MYCBP2: variants seen among roughly 807,000 people sequenced by gnomAD.
MYCBP2 encodes E3 ubiquitin-protein ligase MYCBP2.
MYCBP2 carries 120 observed loss-of-function variants against 525.3 expected under a neutral mutation model. That is an observed-to-expected ratio of 0.23 (90% CI 0.20 to 0.27). The LOEUF is 0.27. MYCBP2 is among the 10% of genes least tolerant of loss of function. The pLI is 1.00. For synonymous variants in MYCBP2, 1,894 were observed against 1,955.8 expected (o/e 0.97, Z 0.83); for missense variants, 4,149 against 5,657.1 (o/e 0.73, Z 8.55).
At chr13:77,277,247 A>G (rs530065655) in intron 4 of MYCBP2, among the ~76,000 whole-genome samples, 1 of 152,324 alleles carries the variant, frequency 6.6e-6, no homozygotes, top group South Asian at 2.1e-4. Context: ...CGAGCAAAAT[A>G]TTGTTAAATA....
At chr13:77,318,610 C>A (rs1471832143) in intron 1 of MYCBP2, among the ~76,000 whole-genome samples, 1 of 152,024 alleles carries the variant, frequency 6.6e-6, no homozygotes, top group East Asian at 1.9e-4. Flanking sequence ...AAAAATCAGC[C>A]GAGTGTGGTG....
intron 4 of MYCBP2, among the ~76,000 whole-genome samples, chr13:77,276,837 T>TTG (rs2075666993): frequency 6.8e-6 from 1 of 147,550 alleles, no homozygotes; most frequent in South Asian, 2.2e-4. Context: ...TTTTTTTTTT[T>TTG]TTGGAGAGAT....
chr13:77,248,131 T>A, intron 15 of MYCBP2, among the ~76,000 whole-genome samples: 1 of 73,286 alleles, frequency 1.4e-5, no homozygotes, highest in Non-Finnish European at 2.6e-5. Flanking sequence ...CCCTAAAACT[T>A]AAAGTATAAT....
At chr13:77,323,989 C>G (rs1355303641) in intron 1 of MYCBP2, among the ~76,000 whole-genome samples, 3 of 152,138 alleles carry the variant, frequency 2.0e-5, no homozygotes, top group African/African-American at 7.2e-5. Flanking sequence ...TCTCTCACTT[C>G]TTCACTCTGT....
chr13:77,230,451 G>A (rs2066975977), intron 18 of MYCBP2, among the ~76,000 whole-genome samples: 1 of 152,160 alleles, frequency 6.6e-6, no homozygotes. Flanking sequence ...TACAGGTTGA[G>A]CATCCCTTAT....
chr13:77,247,194 C>T (rs1020282499), intron 15 of MYCBP2, among the ~76,000 whole-genome samples: 2 of 152,200 alleles, frequency 1.3e-5, no homozygotes, highest in African/African-American at 4.8e-5. Flanking sequence ...AATACAATCT[C>T]ATAAGTAGAA....
At chr13:77,126,774 A>G (rs7330809) in intron 52 of MYCBP2, among the ~76,000 whole-genome samples, 14,182 of 152,162 alleles carry the variant, frequency 0.093, 836 homozygotes, top group African/African-American at 0.16. Context: ...GAAACCAGTC[A>G]ACCTCTGGCT....
Position 77,055,010 on chromosome 13 carries a change from G to T in MYCBP2, c.13647+548C>A, listed in dbSNP as rs556264740. Among the ~76,000 whole-genome samples the T allele has an allele frequency of 3.0e-4, 46 of 152,104 alleles. No individual in the cohort carries two copies. In the South Asian group the frequency reaches 8.9e-3, roughly 30 times the overall value. On this transcript the variant is annotated intron_variant, in intron 80 of 82. Coordinates refer to ENST00000544440, the MANE Select transcript of MYCBP2 (RefSeq NM_015057.5). ...TAACTAAATCTCAAAAATTTTGGGG[G>T]GTCATAAACATATACATGGTAGGTG...
chr13:77,315,340 C>CAAGAA (rs961608696), intron 1 of MYCBP2, among the ~76,000 whole-genome samples: 7 of 151,790 alleles, frequency 4.6e-5, no homozygotes, highest in African/African-American at 1.5e-4. Context: ...ACAGGATTAG[C>CAAGAA]AAGAAAAGAA....
At chr13:77,195,396 A>G (rs186637042) in intron 26 of MYCBP2, among the ~76,000 whole-genome samples, 4 of 152,182 alleles carry the variant, frequency 2.6e-5, no homozygotes, top group African/African-American at 9.7e-5. Context: ...CACGAGTTTG[A>G]CACCAGCCTG....
intron 60 of MYCBP2, among the ~76,000 whole-genome samples, chr13:77,089,342 T>G (rs1594422965): frequency 6.6e-6 from 1 of 152,176 alleles, no homozygotes; most frequent in Non-Finnish European, 1.5e-5. Flanking sequence ...ACATCTCATC[T>G]GCATCATTTT....
intron 1 of MYCBP2, among the ~76,000 whole-genome samples, chr13:77,309,246 T>C (rs1391986921): frequency 1.3e-5 from 2 of 152,214 alleles, no homozygotes; most frequent in Admixed American, 1.3e-4. Flanking sequence ...TCATTATAAT[T>C]TCTTATTGCC....
At chr13:77,301,080 T>C (rs1026217013) in intron 1 of MYCBP2, among the ~76,000 whole-genome samples, 1 of 152,080 alleles carries the variant, frequency 6.6e-6, no homozygotes, top group Non-Finnish European at 1.5e-5. Flanking sequence ...CAGTGGTATA[T>C]CTCCTCAGAA....
intron 57 of MYCBP2, 61 bp downstream of exon 57, chr13:77,096,251 A>C (rs2046239943): frequency 1.0e-5 from 15 of 1,468,930 alleles, no homozygotes; most frequent in Non-Finnish European, 1.2e-5. Context: ...GATTATAACA[A>C]GGTATTTTTA....
At chr13:77,264,028 T>C (rs1363736145) in intron 8 of MYCBP2, 26 bp from the exon 9 acceptor site, 2 of 1,590,772 alleles carry the variant, frequency 1.3e-6, no homozygotes, top group South Asian at 1.1e-5. Flanking sequence ...AGTATTTATA[T>C]TACAATACAA....
At chr13:77,192,438 CAATA>C (rs2061375603) in intron 27 of MYCBP2, among the ~76,000 whole-genome samples, 1 of 151,934 alleles carries the variant, frequency 6.6e-6, no homozygotes, top group South Asian at 2.1e-4. Context: ...AGAAAAAAGA[CAATA>C]AATAAGGGCA....
At position 77,055,550 on chromosome 13, in the gene MYCBP2, T is replaced by C; in HGVS notation, c.13647+8A>G. The C allele has an allele frequency of 1.9e-6, 3 of 1,610,554 alleles. No individual in the cohort carries two copies. The highest frequency in any genetic ancestry group is 2.2e-5 in the South Asian group (2 of 90,868). On this transcript the variant is annotated splice_region_variant and intron_variant, in intron 80 of 82. Transcript: ENST00000544440. The stretch of plus-strand genomic sequence containing the variant: ...TTTTAAAACTTCTCAGTATAATTTA[T>C]AGCATACCTTTCTGCATTTGTAGCA...
chr13:77,157,871 C>A lies in MYCBP2; in HGVS notation c.6770+66G>T, dbSNP rs189611786. On this transcript the variant is annotated intron_variant, in intron 45 of 82. Transcript: ENST00000544440. The stretch of plus-strand genomic sequence containing the variant: ...TAGTATTTTAATATTCTAATGACTC[C>A]CCTCTTTCAGAAATGAAGAAAGATG... The A allele has an allele frequency of 7.7e-6, 10 of 1,293,358 alleles. No individual in the cohort carries two copies. The East Asian group carries it at 2.2e-4, about 29-fold the overall frequency. 80.1% of individuals were successfully genotyped at this position (1,293,358 alleles called of 1,614,324 possible).
rs1189478311 is a variant in MYCBP2 at position 77,206,714 on chromosome 13, A to T, written c.3528T>A (p.Leu1176=). The change falls in exon 24 of 83, where the codon CTT becomes CTA. Residue 1176 remains leucine, a synonymous_variant. Transcript: ENST00000544440. Reference sequence around the variant, plus strand: ...GGGCCCTTGATCCTGTTGGTAAGGCAAGTTCAGGACTTAGGATACTACATC... The same window carrying T: ...GGGCCCTTGATCCTGTTGGTAAGGCTAGTTCAGGACTTAGGATACTACATC... The part of the protein sequence containing the change: ...QSRCSILSPE[L]ALPTGSRALT... 6.2e-7 allele frequency: 1 copy of T among 1,611,976 alleles called. No individual in the cohort carries two copies. The highest frequency in any genetic ancestry group is 1.3e-5 in the African/African-American group (1 of 75,006).
Sources: gnomAD v4.1 joint callset for allele counts (sites outside exome capture counted in the v4.1 genomes callset) on GRCh38, gnomAD v4.1.1 for gene constraint, MANE v1.5 for transcripts, NCBI Gene and HGNC (gene_info 2026-07-23, HGNC 2026-07-21) for gene names.